MEGF11: variants seen among roughly 807,000 people sequenced by gnomAD.
The protein encoded by MEGF11 is multiple epidermal growth factor-like domains protein 11.
MEGF11 carries 126 observed loss-of-function variants against 146.6 expected under a neutral mutation model. That is an observed-to-expected ratio of 0.86 (90% CI 0.74 to 1.00). The LOEUF is 1.00. Ranked by LOEUF, MEGF11 falls within the 50% of genes least tolerant of loss-of-function variation. The pLI is 0.00. For missense variants in MEGF11, 1,509 were observed against 1,521.2 expected, an observed-to-expected ratio of 0.99 and a Z score of 0.13; for synonymous variants, 532 against 583.4, an observed-to-expected ratio of 0.91 and a Z score of 1.27.
intron 1 of MEGF11, among the ~76,000 whole-genome samples, chr15:66,224,697 TATTTTATATATAC>T (rs907191234): frequency 1.4e-5 from 2 of 146,866 alleles, no homozygotes; most frequent in Non-Finnish European, 3.0e-5. Context: ...AAAGTATATA[TATTTTATATATAC>T]ATTTTATATA....
chr15:66,239,578 A>G, intron 1 of MEGF11, among the ~76,000 whole-genome samples: 1 of 152,000 alleles, frequency 6.6e-6, no homozygotes, highest in East Asian at 1.9e-4. Flanking sequence ...CTGGGTGGAG[A>G]GCTAGGCCAC....
At chr15:66,064,229 T>G (rs2085022977) in intron 5 of MEGF11, among the ~76,000 whole-genome samples, 1 of 151,874 alleles carries the variant, frequency 6.6e-6, no homozygotes, top group Non-Finnish European at 1.5e-5. Context: ...ATGAGCTGGG[T>G]GTGGTGGCGC....
intron 7 of MEGF11, among the ~76,000 whole-genome samples, chr15:65,972,935 T>C (rs946903910): frequency 6.6e-6 from 1 of 152,110 alleles, no homozygotes; most frequent in Non-Finnish European, 1.5e-5. Context: ...CTGACCAACA[T>C]AGAGAAACCC....
intron 5 of MEGF11, among the ~76,000 whole-genome samples, chr15:66,085,538 G>A (rs1224175589): frequency 1.3e-5 from 2 of 152,180 alleles, no homozygotes; most frequent in Admixed American, 1.3e-4. Context: ...CCCGGAGCTG[G>A]GTAGACTTAC....
At chr15:66,229,002 G>T (rs753589867) in intron 1 of MEGF11, among the ~76,000 whole-genome samples, 1 of 152,116 alleles carries the variant, frequency 6.6e-6, no homozygotes, top group Non-Finnish European at 1.5e-5. Context: ...TGGTGCTAGC[G>T]TCAGGGTGCT....
chr15:66,202,733 T>G (rs1046419403), intron 1 of MEGF11, among the ~76,000 whole-genome samples: 4 of 152,320 alleles, frequency 2.6e-5, no homozygotes, highest in African/African-American at 9.6e-5. Context: ...CTGGTCAGTT[T>G]CTTTCAGGAC....
At chr15:66,071,569 C>A (rs547299986) in intron 5 of MEGF11, among the ~76,000 whole-genome samples, 3 of 152,292 alleles carry the variant, frequency 2.0e-5, no homozygotes, top group African/African-American at 4.8e-5. Context: ...CGTGTGCTCT[C>A]CCCAGAAAGG....
intron 4 of MEGF11, among the ~76,000 whole-genome samples, chr15:66,114,178 G>A (rs1282769710): frequency 1.3e-5 from 2 of 152,182 alleles, no homozygotes; most frequent in South Asian, 2.1e-4. Context: ...TGTGAGCACC[G>A]TGGCCATCTG....
chr15:66,244,997 G>A (rs1318547016), intron 1 of MEGF11, among the ~76,000 whole-genome samples: 1 of 152,138 alleles, frequency 6.6e-6, no homozygotes, highest in African/African-American at 2.4e-5. Context: ...CATATTAAGT[G>A]CCAAATTTGT....
intron 7 of MEGF11, among the ~76,000 whole-genome samples, chr15:65,980,071 G>A (rs402139): frequency 0.61 from 92,334 of 152,002 alleles, 28,635 homozygotes; most frequent in Non-Finnish European, 0.68. Context: ...TGCAGGGGGC[G>A]AAGTTAGATA....
intron 23 of MEGF11, among the ~76,000 whole-genome samples, chr15:65,906,834 T>C (rs2078643775): frequency 6.6e-6 from 1 of 152,238 alleles, no homozygotes; most frequent in Non-Finnish European, 1.5e-5. Context: ...TTGAAAAGTA[T>C]TACCAGTGTT....
intron 9 of MEGF11, among the ~76,000 whole-genome samples, chr15:65,962,714 CTG>C (rs1377785294): frequency 2.0e-5 from 3 of 152,136 alleles, no homozygotes; most frequent in African/African-American, 7.2e-5. Context: ...AAGGCCTACT[CTG>C]TGCAGGCACC....
chr15:65,902,749 T>C (rs571982850), intron 24 of MEGF11, among the ~76,000 whole-genome samples: 1 of 152,340 alleles, frequency 6.6e-6, no homozygotes, highest in South Asian at 2.1e-4. Context: ...GGTCCTGTAA[T>C]GCCCTGGCAT....
chr15:66,235,563 G>C (rs2092071484), intron 1 of MEGF11, among the ~76,000 whole-genome samples: 1 of 151,232 alleles, frequency 6.6e-6, no homozygotes, highest in Non-Finnish European at 1.5e-5. Flanking sequence ...AGGGAGAATA[G>C]AAACTGACTA....
intron 13 of MEGF11, among the ~76,000 whole-genome samples, chr15:65,924,968 C>A (rs928912358): frequency 6.6e-6 from 1 of 152,164 alleles, no homozygotes; most frequent in South Asian, 2.1e-4. Context: ...ACCCAGGATT[C>A]AGACCACAGG....
chr15:66,132,204 AGC>A (rs2088675321), intron 1 of MEGF11, among the ~76,000 whole-genome samples: 2 of 152,178 alleles, frequency 1.3e-5, no homozygotes, highest in African/African-American at 4.8e-5. Flanking sequence ...CATTAGCACC[AGC>A]ACCTGTGGAG....
chr15:65,920,095 T>A (rs1274485254), intron 15 of MEGF11, among the ~76,000 whole-genome samples: 1 of 152,236 alleles, frequency 6.6e-6, no homozygotes, highest in Non-Finnish European at 1.5e-5. Context: ...GTTAAGTAAC[T>A]TGCCCAAGGT....
intron 1 of MEGF11, among the ~76,000 whole-genome samples, chr15:66,213,024 A>G (rs1464404591): frequency 6.6e-6 from 1 of 152,150 alleles, no homozygotes; most frequent in African/African-American, 2.4e-5. Flanking sequence ...GTTTGGTGAT[A>G]TCGGGAAATT....
At chr15:66,177,517 A>G (rs1429560563) in intron 1 of MEGF11, among the ~76,000 whole-genome samples, 1 of 151,890 alleles carries the variant, frequency 6.6e-6, no homozygotes, top group Non-Finnish European at 1.5e-5. Flanking sequence ...CTCTGGTTCC[A>G]GGGGGTGGGA....
Sources: allele counts gnomAD v4.1 joint callset (sites outside exome capture counted in the v4.1 genomes callset), GRCh38; gene constraint gnomAD v4.1.1; transcripts MANE v1.5; gene names NCBI Gene and HGNC (gene_info 2026-07-23, HGNC 2026-07-21).